Variants in SAMD4A observed in about 807,000 individuals in gnomAD.
The protein encoded by SAMD4A is protein Smaug homolog 1.
Under a neutral mutation model 81.3 loss-of-function variants are expected in SAMD4A, and 33 were observed. The observed-to-expected ratio is 0.41, with a 90% confidence interval of 0.31 to 0.54. The LOEUF (loss-of-function observed/expected upper bound fraction) is 0.54, where lower values mean the gene tolerates loss of function less well. Ranked by LOEUF, SAMD4A falls within the 20% of genes least tolerant of loss-of-function variation. The pLI, the probability that SAMD4A is intolerant of heterozygous loss-of-function variation, is 0.37. For missense variants in SAMD4A, 854 were observed against 951.1 expected (o/e 0.90, Z 1.34); for synonymous variants, 389 against 382.1 (o/e 1.02, Z -0.21).
chr14:54,575,784 G>A (rs2033271458), intron 2 of SAMD4A, among the ~76,000 whole-genome samples: 1 of 152,102 alleles, frequency 6.6e-6, no homozygotes, highest in Non-Finnish European at 1.5e-5. Flanking sequence ...TGGTAGTGTG[G>A]TCACTCATTA....
intron 2 of SAMD4A, chr14:54,689,642 T>A (rs2036379360): frequency 6.6e-6 from 1 of 152,248 alleles, no homozygotes; most frequent in African/African-American, 2.4e-5. Context: ...GAGCACCTGA[T>A]ACTCCTACAG....
intron 2 of SAMD4A, among the ~76,000 whole-genome samples, chr14:54,601,596 T>C (rs2034053990): frequency 6.6e-6 from 1 of 152,168 alleles, no homozygotes; most frequent in East Asian, 1.9e-4. Context: ...ATTTTTATCT[T>C]CATGTAAATC....
intron 12 of SAMD4A, among the ~76,000 whole-genome samples, chr14:54,788,532 G>A (rs2039197835): frequency 6.6e-6 from 1 of 152,126 alleles, no homozygotes; most frequent in Non-Finnish European, 1.5e-5. Context: ...CTCTGAAACT[G>A]TCCTTGACTT....
chr14:54,718,045 C>T (rs1432954871), intron 3 of SAMD4A, among the ~76,000 whole-genome samples: 5 of 152,086 alleles, frequency 3.3e-5, no homozygotes, highest in Non-Finnish European at 4.4e-5. Flanking sequence ...TTCTCTTGCT[C>T]CTCTTCCCCC....
intron 2 of SAMD4A, among the ~76,000 whole-genome samples, chr14:54,698,042 C>T (rs2036619458): frequency 6.6e-6 from 1 of 152,188 alleles, no homozygotes; most frequent in Non-Finnish European, 1.5e-5. Context: ...ACCGCCATTT[C>T]CCCTACATTC....
At chr14:54,649,918 T>C (rs545455081) in intron 2 of SAMD4A, among the ~76,000 whole-genome samples, 6 of 152,344 alleles carry the variant, frequency 3.9e-5, no homozygotes, top group African/African-American at 1.2e-4. Context: ...TTGGGTTTAT[T>C]TGGCATTTGT....
chr14:54,788,592 T>C (rs1400064608), intron 12 of SAMD4A, among the ~76,000 whole-genome samples: 1 of 152,220 alleles, frequency 6.6e-6, no homozygotes, highest in Non-Finnish European at 1.5e-5. Context: ...TCCTGCTCTC[T>C]TGGTACCTAC....
At chr14:54,732,068 G>C (rs762574266) in intron 3 of SAMD4A, among the ~76,000 whole-genome samples, 40 of 152,266 alleles carry the variant, frequency 2.6e-4, no homozygotes, top group Non-Finnish European at 5.0e-4. Context: ...CCCATTGAAG[G>C]CTCACTCAAC....
intron 6 of SAMD4A, among the ~76,000 whole-genome samples, chr14:54,756,423 A>T (rs575805182): frequency 2.6e-5 from 4 of 152,278 alleles, no homozygotes; most frequent in Admixed American, 2.0e-4. Context: ...TGAAACATGC[A>T]GTGGTGGTCA....
At chr14:54,722,605 A>G (rs546883435) in intron 3 of SAMD4A, among the ~76,000 whole-genome samples, 2 of 152,326 alleles carry the variant, frequency 1.3e-5, no homozygotes, top group East Asian at 1.9e-4. Flanking sequence ...GTCAACATCA[A>G]CTTTGTTAAG....
intron 2 of SAMD4A, among the ~76,000 whole-genome samples, chr14:54,576,191 T>C (rs1273354530): frequency 1.3e-5 from 2 of 152,138 alleles, no homozygotes; most frequent in Non-Finnish European, 2.9e-5. Flanking sequence ...TGATCTGTCA[T>C]AGAATCCAAG....
intron 2 of SAMD4A, among the ~76,000 whole-genome samples, chr14:54,659,100 A>T (rs1413893651): frequency 6.6e-6 from 1 of 152,212 alleles, no homozygotes; most frequent in East Asian, 1.9e-4. Flanking sequence ...CCAGTACTAT[A>T]TCCTGTTTCT....
rs1360541792 is a variant in SAMD4A, at chr14:54,793,117, CTAA to C, written c.*4175_*4177del. ...AAAGCTTTACTGATATACAGATATA[CTAA>C]TGTTTGAAGATGCTGTTCTTTGCAA... On this transcript the variant is annotated 3_prime_UTR_variant, in exon 13 of 13. Transcript: ENST00000554335. 1 of 152,184 alleles carries C rather than the reference CTAA, an allele frequency of 6.6e-6. No homozygotes were observed. The highest frequency in any genetic ancestry group is 1.5e-5 in the Non-Finnish European group (1 of 68,034). The allele number at this position is 152,184 out of a possible 1,614,324, so 9.4% of individuals were successfully genotyped here.
intron 11 of SAMD4A, among the ~76,000 whole-genome samples, chr14:54,779,457 A>C (rs2038944034): frequency 6.6e-6 from 1 of 152,254 alleles, no homozygotes; most frequent in Non-Finnish European, 1.5e-5. Flanking sequence ...CATTTGAAGG[A>C]TGCTTTCATT....
chr14:54,707,680 G>T (rs1594840443), intron 3 of SAMD4A, among the ~76,000 whole-genome samples: 1 of 152,090 alleles, frequency 6.6e-6, no homozygotes, highest in Admixed American at 6.6e-5. Context: ...GGGTGGTCAG[G>T]GTAGACCCCT....
intron 2 of SAMD4A, among the ~76,000 whole-genome samples, chr14:54,594,189 A>T (rs981102025): frequency 6.6e-6 from 1 of 152,212 alleles, no homozygotes; most frequent in Admixed American, 6.5e-5. Context: ...CACTGTTAAC[A>T]GCTCTGTTTA....
intron 2 of SAMD4A, among the ~76,000 whole-genome samples, chr14:54,606,875 G>A (rs2034220334): frequency 6.6e-6 from 1 of 152,178 alleles, no homozygotes; most frequent in Non-Finnish European, 1.5e-5. Context: ...TGCCAACATG[G>A]TCTTCAGTGC....
chr14:54,760,164 A>G lies in SAMD4A; in HGVS notation c.1180A>G (p.Ile394Val), dbSNP rs1346594643. 6.2e-7 allele frequency: 1 copy of G among 1,611,768 alleles called. No individual in the cohort carries two copies. The highest frequency in any genetic ancestry group is 1.1e-5 in the South Asian group (1 of 90,646). Residue 394 changes from isoleucine to valine, a missense_variant, in exon 7 of 13, where the codon ATC becomes GTC. Transcript: ENST00000554335. ...QNLLKSLERD[I>V]IEGGSLRIPL... ...TCTTCCTGCTCTCACCGTCCAGGAC[A>G]TCATCGAGGGGGGCAGCCTGCGCAT... is the stretch of plus-strand genomic sequence containing the variant.
intron 2 of SAMD4A, among the ~76,000 whole-genome samples, chr14:54,568,475 C>A (rs56836700): frequency 6.6e-6 from 1 of 151,516 alleles, no homozygotes; most frequent in East Asian, 1.9e-4. Context: ...CCTTCCTCCT[C>A]CTTCTTTTGG....
Sources: allele counts gnomAD v4.1 joint callset (sites outside exome capture counted in the v4.1 genomes callset), GRCh38; gene constraint gnomAD v4.1.1; transcripts MANE v1.5; gene names NCBI Gene and HGNC (gene_info 2026-07-23, HGNC 2026-07-21).